The following PREX1 variants were observed in gnomAD, a reference collection of about 807,000 sequenced individuals.
PREX1 encodes the protein phosphatidylinositol-3,4,5-trisphosphate dependent Rac exchange factor 1.
A neutral mutation model predicts 198.3 loss-of-function variants in PREX1; 41 were observed. The ratio of observed to expected loss-of-function variants is 0.21; its 90% CI spans 0.16 to 0.27. The LOEUF (loss-of-function observed/expected upper bound fraction) is 0.27. PREX1 is among the 10% of genes least tolerant of loss of function. PREX1 has a pLI of 1.00. For missense variants in PREX1, 1,620 were observed against 2,200.7 expected (o/e 0.74, Z 5.28); for synonymous variants, 843 against 887.2 (o/e 0.95, Z 0.89).
the PREX1 span, among the ~76,000 whole-genome samples, chr20:48,864,636 G>A: frequency 2.0e-5 from 3 of 152,168 alleles, no homozygotes; most frequent in South Asian, 2.1e-4. Context: ...TGGCTCTCCC[G>A]TCTATGCACT....
intron 4 of PREX1, among the ~76,000 whole-genome samples, 153 bp downstream of exon 4, chr20:48,734,393 G>C (rs1277031582): frequency 1.3e-5 from 2 of 152,170 alleles, no homozygotes; most frequent in African/African-American, 2.4e-5. Flanking sequence ...GCCCTTTATG[G>C]AAAAGGCTTG....
At chr20:48,887,751 C>A in the PREX1 span, among the ~76,000 whole-genome samples, 3 of 152,106 alleles carry the variant, frequency 2.0e-5, no homozygotes, top group African/African-American at 4.8e-5. Context: ...TGGAGACCAT[C>A]CTGGCTAACA....
chr20:48,707,605 G>C (rs2089909389), intron 6 of PREX1, among the ~76,000 whole-genome samples: 2 of 152,314 alleles, frequency 1.3e-5, no homozygotes, highest in South Asian at 4.1e-4. Flanking sequence ...TCCTGTTCCA[G>C]CTGTATTTAC....
At chr20:48,729,568 T>TG (rs1172528736) in intron 4 of PREX1, among the ~76,000 whole-genome samples, 1 of 152,168 alleles carries the variant, frequency 6.6e-6, no homozygotes, top group Non-Finnish European at 1.5e-5. Context: ...TGCACCCTCT[T>TG]GGGAAAATGC....
chr20:48,808,492 C>A (rs2090421671), intron 1 of PREX1, among the ~76,000 whole-genome samples: 2 of 152,212 alleles, frequency 1.3e-5, no homozygotes, highest in Admixed American at 1.3e-4. Flanking sequence ...AGAACAGGCT[C>A]TCCTGCCCGG....
At chr20:48,677,547 A>G (rs2089718302) in intron 13 of PREX1, among the ~76,000 whole-genome samples, 1 of 152,242 alleles carries the variant, frequency 6.6e-6, no homozygotes, top group Non-Finnish European at 1.5e-5. Flanking sequence ...ATGGCAACCC[A>G]AGAGGTGAGA....
Position 48,649,372 on chromosome 20 carries a change from G to C in PREX1, c.3233C>G (p.Ala1078Gly). 1.9e-6 allele frequency: 3 copies of C among 1,614,140 alleles called. No homozygotes were observed. Among genetic ancestry groups the C allele is most frequent in the Non-Finnish European group, 2.5e-6 (3 of 1,180,016 alleles). Reference protein sequence around the residue: ...LKQEDREIQDAYLQLFTKLDV... With the variant: ...LKQEDREIQDGYLQLFTKLDV... ...CAGCTTGGTGAAGAGCTGCAGGTAG[G>C]CATCCTGGATCTCACGGTCCTCCTG... is the stretch of plus-strand genomic sequence containing the variant. Residue 1078 changes from alanine (A) to glycine (G), a missense_variant, in exon 25 of 40, where the codon GCC becomes GGC. By Grantham distance (60) the Ala-to-Gly change is moderately conservative. Transcript: ENST00000371941.
At chr20:48,773,774 G>C (rs754700021) in intron 1 of PREX1, among the ~76,000 whole-genome samples, 1 of 152,170 alleles carries the variant, frequency 6.6e-6, no homozygotes, top group South Asian at 2.1e-4. Context: ...GCTTTTCTCT[G>C]GGTAAGGTGG....
At chr20:48,760,674 T>C (rs1251749512) in intron 1 of PREX1, among the ~76,000 whole-genome samples, 1 of 151,962 alleles carries the variant, frequency 6.6e-6, no homozygotes, top group African/African-American at 2.4e-5. Context: ...GGGCAGGAAG[T>C]TGCTTGTGAT....
At chr20:48,735,764 C>A (rs1246252391) in intron 3 of PREX1, among the ~76,000 whole-genome samples, 2 of 152,122 alleles carry the variant, frequency 1.3e-5, no homozygotes, top group African/African-American at 4.8e-5. Context: ...AAAGTTGCTT[C>A]CCCAGGGTCT....
At chr20:48,773,357 A>C (rs2090245852) in intron 1 of PREX1, among the ~76,000 whole-genome samples, 1 of 151,316 alleles carries the variant, frequency 6.6e-6, no homozygotes, top group African/African-American at 2.4e-5. Flanking sequence ...TCTAGCTACC[A>C]CATCCTACCA....
chr20:48,644,770 T>G (rs2089438931), intron 26 of PREX1, among the ~76,000 whole-genome samples: 1 of 152,176 alleles, frequency 6.6e-6, no homozygotes, highest in Non-Finnish European at 1.5e-5. Flanking sequence ...TTCACGCAGG[T>G]GTCACTCTGT....
At chr20:48,844,202 C>G in the PREX1 span, among the ~76,000 whole-genome samples, 1 of 152,130 alleles carries the variant, frequency 6.6e-6, no homozygotes, top group Non-Finnish European at 1.5e-5. Context: ...TAGCACTCAG[C>G]ACAGTGATAT....
chr20:48,638,593 G>A (rs1000931068), intron 30 of PREX1, among the ~76,000 whole-genome samples: 2 of 152,184 alleles, frequency 1.3e-5, no homozygotes, highest in Non-Finnish European at 1.5e-5. Context: ...GGGTAAGAAC[G>A]AGAGCAGCTG....
chr20:48,684,893 C>T lies in PREX1; in HGVS notation c.1335-3558G>A, dbSNP rs1037830570. On this transcript the variant is annotated intron_variant, in intron 10 of 39. Transcript: ENST00000371941. This position sits in a 1 kb window ranked among gnomAD's most constrained non-coding sequence, Gnocchi z 4.2. ...CTCAGGGCTTTCGCGCCTACTGCTT[C>T]CTAAGCCAGGAATGCTGTTCCCCAC... Among the ~76,000 whole-genome samples the T allele has an allele frequency of 6.6e-6, 1 of 152,228 alleles. No individual in the cohort carries two copies. The highest frequency in any genetic ancestry group is 1.5e-5 in the Non-Finnish European group (1 of 68,038).
intron 1 of PREX1, among the ~76,000 whole-genome samples, chr20:48,749,827 T>G (rs578050853): frequency 6.6e-6 from 1 of 152,260 alleles, no homozygotes; most frequent in Non-Finnish European, 1.5e-5. Context: ...ACTTATATCC[T>G]ACTCTTCAAG....
intron 7 of PREX1, among the ~76,000 whole-genome samples, chr20:48,695,083 TCAATTAACTTTTG>T (rs919540149): frequency 4.9e-4 from 74 of 152,300 alleles, no homozygotes; most frequent in African/African-American, 1.7e-3. Flanking sequence ...TTAATATGGC[TCAATTAACTTTTG>T]CAAGTGAACA....
chr20:48,846,388 C>G, the PREX1 span, among the ~76,000 whole-genome samples: 86 of 152,308 alleles, frequency 5.6e-4, no homozygotes, highest in African/African-American at 2.0e-3. Context: ...GGTTTTTGAA[C>G]TTGACTTCTG....
At chr20:48,834,038 G>A in the PREX1 span, among the ~76,000 whole-genome samples, 7 of 151,548 alleles carry the variant, frequency 4.6e-5, no homozygotes, top group African/African-American at 1.2e-4. Context: ...CCAGTGAGCC[G>A]AGATAGCGCC....
Sources: allele counts gnomAD v4.1 joint callset (sites outside exome capture counted in the v4.1 genomes callset), GRCh38; gene constraint gnomAD v4.1.1; non-coding constraint Gnocchi (gnomAD v3.1); transcripts MANE v1.5; gene names NCBI Gene and HGNC (gene_info 2026-07-23, HGNC 2026-07-21).